Variants in FHAD1 observed in about 807,000 individuals in gnomAD.
FHAD1 encodes the protein forkhead-associated domain-containing protein 1.
In FHAD1, 146 loss-of-function variants were observed where a neutral mutation model predicts 191.3. The observed-to-expected ratio is 0.76, with a 90% CI of 0.67 to 0.88. The LOEUF is 0.88. Ranked by LOEUF, FHAD1 falls within the 40% of genes least tolerant of loss-of-function variation. FHAD1 has a pLI of 0.00. For missense variants in FHAD1, 1,635 were observed against 1,785.8 expected (o/e 0.92, Z 1.52); for synonymous variants, 616 against 672.3 (o/e 0.92, Z 1.29).
In FHAD1 at chr1:15,281,785, G is replaced by T. The variant is rs564413353; in HGVS notation, c.301-7614G>T. Among the ~76,000 whole-genome samples the T allele has an allele frequency of 5.1e-3, 709 of 138,544 alleles. 2 individuals are homozygous for T. The highest frequency in any genetic ancestry group is 0.012 in the East Asian group (56 of 4,674). 90.9% of individuals were successfully genotyped at this position (138,544 alleles called of 152,430 possible). A position where few individuals can be genotyped will look rare whatever the true frequency, so the allele number is the denominator to read the frequency against. ...CAAAAAAAAAAAAAAAAAAAAAAAAGGAGAGGGGAGGAAGGGGGCATTGAT... is the reference window on the plus strand; with the variant it reads ...CAAAAAAAAAAAAAAAAAAAAAAAATGAGAGGGGAGGAAGGGGGCATTGAT... On this transcript the variant is annotated intron_variant, in intron 3 of 33. Transcript: ENST00000688493.
chr1:15,374,313 TC>T (rs1314968031), intron 26 of FHAD1, among the ~76,000 whole-genome samples, 188 bp from the exon 27 acceptor site: 1 of 152,168 alleles, frequency 6.6e-6, no homozygotes, highest in Non-Finnish European at 1.5e-5. Context: ...AAGTTGGAAG[TC>T]TTCCTACATG....
intron 2 of FHAD1, among the ~76,000 whole-genome samples, chr1:15,259,746 G>A (rs1650107181): frequency 6.6e-6 from 1 of 152,184 alleles, no homozygotes; most frequent in African/African-American, 2.4e-5. Context: ...GAGGTGTGCT[G>A]AGGGCTGCGT....
At position 15,369,571 on chromosome 1, in the gene FHAD1, C is replaced by G; in HGVS notation, c.3447+69C>G. The G allele has an allele frequency of 2.7e-6, 4 of 1,487,072 alleles. No individual in the cohort carries two copies. In the South Asian group the frequency reaches 5.0e-5, roughly 19 times the overall value. 92.1% of individuals were successfully genotyped at this position (1,487,072 alleles called of 1,614,324 possible). On this transcript the variant is annotated intron_variant, in intron 26 of 33. Coordinates refer to ENST00000688493, the MANE Select transcript of FHAD1 (RefSeq NM_001391957.1). ...CACAGCCCAGTGGTGGCTGTCTTTC[C>G]TTTTGAAGACACTTTCATTCTAAGT...
In FHAD1 at chr1:15,311,264, G is replaced by A. The variant is rs371220633; in HGVS notation, c.1040-1793G>A. ...GAGGGGGCTGCACGGAGAGCACCCCGGAGATCTCAGAGGGTCCGCCTCAAG... is the reference window on the plus strand; with the variant it reads ...GAGGGGGCTGCACGGAGAGCACCCCAGAGATCTCAGAGGGTCCGCCTCAAG... On this transcript the variant is annotated intron_variant, in intron 7 of 33. Coordinates refer to ENST00000688493, the MANE Select transcript of FHAD1 (RefSeq NM_001391957.1). The surrounding 1 kb of genome is among the most constrained non-coding windows in gnomAD (Gnocchi z 4.1). Among the ~76,000 whole-genome samples, 4 of 152,078 alleles carry A rather than the reference G, an allele frequency of 2.6e-5. No homozygotes were observed. Among genetic ancestry groups the A allele is most frequent in the South Asian group, 2.1e-4 (1 of 4,820 alleles).
intron 28 of FHAD1, 86 bp from the exon 29 acceptor site, chr1:15,380,615 C>G: frequency 9.5e-7 from 1 of 1,054,618 alleles, no homozygotes; most frequent in Non-Finnish European, 1.4e-6. Context: ...AGTTAATCTT[C>G]GGTAATCACA....
In FHAD1 at chr1:15,341,106, C is replaced by T. The variant is rs180968937; in HGVS notation, c.1978-630C>T. Among the ~76,000 whole-genome samples, 658 of 152,188 alleles carry T rather than the reference C, an allele frequency of 4.3e-3. 8 individuals carry two copies. Among genetic ancestry groups the T allele is most frequent in the African/African-American group, 0.015 (636 of 41,508 alleles). On this transcript the variant is annotated intron_variant, in intron 15 of 33. Transcript: ENST00000688493. ...CTGAGGCAGGAGAATCACTTGAACCCGGGAGGCAGAGGTTGCGGGGAACCA... is the reference window on the plus strand; with the variant it reads ...CTGAGGCAGGAGAATCACTTGAACCTGGGAGGCAGAGGTTGCGGGGAACCA...
chr1:15,335,337 C>T (rs1683576942), intron 14 of FHAD1: 1 of 152,158 alleles, frequency 6.6e-6, no homozygotes, highest in African/African-American at 2.4e-5. Flanking sequence ...CTGCAAGCTC[C>T]GTCGTTTGTG....
At chr1:15,376,085 ATTTATTTTTTT>A (rs1699561428) in intron 28 of FHAD1, among the ~76,000 whole-genome samples, 1 of 125,400 alleles carries the variant, frequency 8.0e-6, no homozygotes, top group African/African-American at 3.4e-5. Flanking sequence ...TTATTTTTTT[ATTTATTTTTTT>A]ATTTATTTTT....
intron 31 of FHAD1, among the ~76,000 whole-genome samples, chr1:15,387,762 G>A (rs573680067): frequency 4.2e-4 from 64 of 152,308 alleles, no homozygotes; most frequent in African/African-American, 1.1e-3. Context: ...GCACACGCCC[G>A]TAGTCGCAGC....
intron 5 of FHAD1, among the ~76,000 whole-genome samples, chr1:15,298,037 C>T (rs867069605): frequency 6.6e-6 from 1 of 152,114 alleles, no homozygotes; most frequent in African/African-American, 2.4e-5. Flanking sequence ...GGTATCTACC[C>T]AGAGGAAAAA....
intron 1 of FHAD1, among the ~76,000 whole-genome samples, chr1:15,238,052 C>T (rs2100462133): frequency 6.6e-6 from 1 of 151,910 alleles, no homozygotes; most frequent in South Asian, 2.1e-4. Context: ...AGTCCGAGAC[C>T]AGCCTGACCC....
At chr1:15,334,071 A>T (rs1682935575) in intron 14 of FHAD1, 1 of 151,604 alleles carries the variant, frequency 6.6e-6, no homozygotes, top group African/African-American at 2.4e-5. Flanking sequence ...GGCTCAATCA[A>T]CCCACTCAAC....
chr1:15,356,488 G>A (rs1055890875), intron 20 of FHAD1, among the ~76,000 whole-genome samples: 2 of 152,208 alleles, frequency 1.3e-5, no homozygotes, highest in Non-Finnish European at 2.9e-5. Flanking sequence ...GAAAAGAATA[G>A]AAGTTGCAGG....
At chr1:15,366,127 A>C (rs1238744658) in intron 24 of FHAD1, among the ~76,000 whole-genome samples, 194 bp downstream of exon 24, 1 of 152,064 alleles carries the variant, frequency 6.6e-6, no homozygotes, top group Non-Finnish European at 1.5e-5. Context: ...CTCTACTAAA[A>C]ATACAAAAAT....
In FHAD1 at chr1:15,345,154, G is replaced by T; in HGVS notation, c.2202G>T (p.Met734Ile). Residue 734 changes from methionine (M) to isoleucine (I), a missense_variant, in exon 17 of 34, where the codon ATG (methionine) becomes ATT (isoleucine). Transcript: ENST00000688493. ...KETLEEERKRMQELESLLAQQ... is the reference protein window; with the variant it reads ...KETLEEERKRIQELESLLAQQ... Reference sequence around the variant, plus strand: ...CTTTAGAGGAAGAACGGAAGAGAATGCAAGAACTGGAGAGCCTCCTGGCCC... The same window carrying T: ...CTTTAGAGGAAGAACGGAAGAGAATTCAAGAACTGGAGAGCCTCCTGGCCC... 6.4e-7 allele frequency: 1 copy of T among 1,551,778 alleles called. No individual in the cohort carries two copies. Among genetic ancestry groups the T allele is most frequent in the Non-Finnish European group, 8.7e-7 (1 of 1,147,010 alleles).
chr1:15,289,513 G>C lies in FHAD1; in HGVS notation c.415G>C (p.Val139Leu), dbSNP rs1441378655. The change falls in exon 4 of 34, where the codon GTC becomes CTC. Residue 139 changes from valine to leucine, a missense_variant. Physicochemically the swap from Val to Leu is conservative, Grantham distance 32. Transcript: ENST00000688493. This position sits in a 1 kb window ranked among gnomAD's most constrained non-coding sequence, Gnocchi z 4.2. ...ATCACATATCCCCTTCCACCAAGGT[G>C]TCCAGCCAGCACCGATGCAAAGGAG... Reference protein sequence around the residue: ...PPSHIPFHQGVQPAPMQRSWS... With the variant: ...PPSHIPFHQGLQPAPMQRSWS... 2.6e-6 allele frequency: 4 copies of C among 1,551,870 alleles called. No individual in the cohort carries two copies. In the East Asian group the frequency reaches 9.8e-5, roughly 38 times the overall value.
intron 2 of FHAD1, among the ~76,000 whole-genome samples, chr1:15,268,546 T>A (rs994003241): frequency 3.1e-5 from 4 of 130,056 alleles, no homozygotes; most frequent in Non-Finnish European, 6.7e-5. Context: ...GTATTTCTAG[T>A]TCTAGATCCC....
At chr1:15,269,893 C>T (rs974575754) in intron 2 of FHAD1, among the ~76,000 whole-genome samples, 1 of 148,414 alleles carries the variant, frequency 6.7e-6, no homozygotes, top group Non-Finnish European at 1.5e-5. Flanking sequence ...AGAATTACCC[C>T]TTTACCATTA....
rs1324650299 is a variant in FHAD1, at chr1:15,381,209, T to G, written c.3802-22T>G. 11 of 1,528,020 alleles carry G rather than the reference T, an allele frequency of 7.2e-6. No individual in the cohort carries two copies. In the East Asian group the frequency reaches 2.5e-4, roughly 34 times the overall value. The allele number at this position is 1,528,020 out of a possible 1,614,324, so 94.7% of individuals were successfully genotyped here. On this transcript the variant is annotated intron_variant, in intron 29 of 33. Transcript: ENST00000688493. This position sits in a 1 kb window ranked among gnomAD's most constrained non-coding sequence, Gnocchi z 4.6. ...CAGCGGCCGCGGGTAATGCCTCTTA[T>G]GCGCGAACGTTTTCCTTGTAGTACC...
Sources: allele counts gnomAD v4.1 joint callset (sites outside exome capture counted in the v4.1 genomes callset), GRCh38; gene constraint gnomAD v4.1.1; non-coding constraint Gnocchi (gnomAD v3.1); transcripts MANE v1.5; gene names NCBI Gene and HGNC (gene_info 2026-07-23, HGNC 2026-07-21).